Variants in PIK3AP1 observed in about 807,000 individuals in gnomAD.
PIK3AP1 encodes phosphoinositide-3-kinase adaptor protein 1, also known as phosphoinositide 3-kinase adapter protein 1.
PIK3AP1 carries 21 observed loss-of-function variants against 88.1 expected under a neutral mutation model. That is an observed-to-expected ratio of 0.24 (90% CI 0.17 to 0.34). The LOEUF is 0.34. Among genes scored for constraint, PIK3AP1 ranks in the 10% least tolerant of loss-of-function variants. PIK3AP1 has a pLI of 1.00. For missense variants in PIK3AP1, 828 were observed against 1,035.7 expected, an observed-to-expected ratio of 0.80 and a Z score of 2.75; for synonymous variants, 398 against 400.0, an observed-to-expected ratio of 1.00 and a Z score of 0.06.
At chr10:96,671,444 A>G (rs190959634) in intron 2 of PIK3AP1, among the ~76,000 whole-genome samples, 2 of 152,180 alleles carry the variant, frequency 1.3e-5, no homozygotes, top group East Asian at 1.9e-4. Flanking sequence ...TCACTTACAA[A>G]GCTCCCAACA....
intron 2 of PIK3AP1, among the ~76,000 whole-genome samples, chr10:96,681,148 TC>T (rs1843993991): frequency 6.6e-6 from 1 of 152,180 alleles, no homozygotes; most frequent in South Asian, 2.1e-4. Context: ...GGCTGGCTTC[TC>T]ACTCTGTCCT....
At chr10:96,653,297 C>T (rs1175887019) in intron 3 of PIK3AP1, among the ~76,000 whole-genome samples, 1 of 149,274 alleles carries the variant, frequency 6.7e-6, no homozygotes, top group Non-Finnish European at 1.5e-5. Flanking sequence ...TCCAGTTACT[C>T]AAGAGGCTGA....
rs570539874 is a variant in PIK3AP1 at position 96,642,849 on chromosome 10, G to C, written c.1375+2624C>G. ...GCATGGCATGTGTTAGAACATCCAGGGGGACAGCAAGTGTAAGGCTCTGTC... is the reference window on the plus strand; with the variant it reads ...GCATGGCATGTGTTAGAACATCCAGCGGGACAGCAAGTGTAAGGCTCTGTC... On this transcript the variant is annotated intron_variant, in intron 8 of 16. Coordinates refer to ENST00000339364, the MANE Select transcript of PIK3AP1 (RefSeq NM_152309.3). Among the ~76,000 whole-genome samples the C allele has an allele frequency of 9.2e-5, 14 of 152,330 alleles. 1 individual carries two copies. The highest frequency in any genetic ancestry group is 9.2e-4 in the Admixed American group (14 of 15,300).
In PIK3AP1 at chr10:96,594,019, C is replaced by A. The variant is rs1241860133; in HGVS notation, c.*1558G>T. 1 of 152,118 alleles carries A rather than the reference C, an allele frequency of 6.6e-6. No homozygotes were observed. The highest frequency in any genetic ancestry group is 1.5e-5 in the Non-Finnish European group (1 of 68,020). 9.4% of individuals were successfully genotyped at this position (152,118 alleles called of 1,614,324 possible). Reference sequence around the variant, plus strand: ...AGAGAATAATCCCATGGGAAACAAACACATTTTGAATATTTTTTAAAGAAG... The same window carrying A: ...AGAGAATAATCCCATGGGAAACAAAAACATTTTGAATATTTTTTAAAGAAG... On this transcript the variant is annotated 3_prime_UTR_variant, in exon 17 of 17. Coordinates refer to ENST00000339364, the MANE Select transcript of PIK3AP1 (RefSeq NM_152309.3). This position sits in a 1 kb window ranked among gnomAD's most constrained non-coding sequence, Gnocchi z 4.6.
chr10:96,630,966 A>G (rs1843236939), intron 8 of PIK3AP1, among the ~76,000 whole-genome samples: 1 of 152,148 alleles, frequency 6.6e-6, no homozygotes, highest in Non-Finnish European at 1.5e-5. Context: ...TCTTACCCCA[A>G]TCTCCACTCC....
Position 96,677,097 on chromosome 10 carries a change from C to G in PIK3AP1, c.431-20163G>C, listed in dbSNP as rs996247431. 2.6e-5 allele frequency among the ~76,000 whole-genome samples: 4 copies of G among 152,144 alleles called. No homozygotes were observed. The South Asian group carries it at 8.3e-4, about 32-fold the overall frequency. ...GTTTTTCTCCACTGGTCCTCCAAGC[C>G]AGAGTGAGGAAGGGCTGAGCCCACC... On this transcript the variant is annotated intron_variant, in intron 2 of 16. Transcript: ENST00000339364.
rs549421778 is a variant in PIK3AP1, at chr10:96,603,800, C to T, written c.2241+179G>A. On this transcript the variant is annotated intron_variant, in intron 15 of 16. Transcript: ENST00000339364. Reference sequence around the variant, plus strand: ...TTCTTCCCATTCCTCCTCCCTCCAGCCGCTGGCAACCACCAATCTTCAAAC... The same window carrying T: ...TTCTTCCCATTCCTCCTCCCTCCAGTCGCTGGCAACCACCAATCTTCAAAC... 24 of 594,270 alleles carry T rather than the reference C, an allele frequency of 4.0e-5. 1 individual carries two copies. Among genetic ancestry groups the T allele is most frequent in the Non-Finnish European group, 2.9e-6 (1 of 349,126 alleles). 36.8% of individuals were successfully genotyped at this position (594,270 alleles called of 1,614,324 possible).
Position 96,720,367 on chromosome 10 carries a change from C to T in PIK3AP1, c.13+15G>A, listed in dbSNP as rs1445602446. On this transcript the variant is annotated intron_variant, in intron 1 of 16. Coordinates refer to ENST00000339364, the MANE Select transcript of PIK3AP1 (RefSeq NM_152309.3). The surrounding 1 kb of genome is among the most constrained non-coding windows in gnomAD (Gnocchi z 4.6). ...GGGCCGGGAGCCCGGGGACCCGCGGCGCCTGCCTACCCACCTGAGGCTGCC... is the reference window on the plus strand; with the variant it reads ...GGGCCGGGAGCCCGGGGACCCGCGGTGCCTGCCTACCCACCTGAGGCTGCC... 3 of 1,241,774 alleles carry T rather than the reference C, an allele frequency of 2.4e-6. No homozygotes were observed. The highest frequency in any genetic ancestry group is 3.1e-5 in the African/African-American group (2 of 64,384). The allele number at this position is 1,241,774 out of a possible 1,614,324, so 76.9% of individuals were successfully genotyped here.
chr10:96,664,030 C>A (rs1469526140), intron 2 of PIK3AP1, among the ~76,000 whole-genome samples: 1 of 152,192 alleles, frequency 6.6e-6, no homozygotes, highest in African/African-American at 2.4e-5. Flanking sequence ...TCTGGAAAGC[C>A]ATGTGTCCAC....
At chr10:96,707,664 A>G (rs569184599) in intron 2 of PIK3AP1, among the ~76,000 whole-genome samples, 38 of 152,276 alleles carry the variant, frequency 2.5e-4, no homozygotes, top group Non-Finnish European at 4.4e-4. Flanking sequence ...GTGGCAATAC[A>G]TCCATGGTGG....
At chr10:96,652,901 G>A in intron 3 of PIK3AP1, 59 bp from the exon 4 acceptor site, 1 of 1,571,892 alleles carries the variant, frequency 6.4e-7, no homozygotes, top group Non-Finnish European at 8.6e-7. Context: ...AGGGTGTTGG[G>A]CCCAAGGGTC....
At chr10:96,684,447 G>A (rs1053268811) in intron 2 of PIK3AP1, among the ~76,000 whole-genome samples, 3 of 152,232 alleles carry the variant, frequency 2.0e-5, no homozygotes, top group Admixed American at 6.5e-5. Flanking sequence ...GCCCAGCTCA[G>A]TGAGACAAGA....
At chr10:96,696,903 C>A (rs1321268423) in intron 2 of PIK3AP1, among the ~76,000 whole-genome samples, 1 of 152,086 alleles carries the variant, frequency 6.6e-6, no homozygotes, top group Non-Finnish European at 1.5e-5. Flanking sequence ...TAGATCGAGA[C>A]CCAGTAATGA....
chr10:96,622,468 GA>G (rs772725651), intron 11 of PIK3AP1, among the ~76,000 whole-genome samples: 2 of 152,138 alleles, frequency 1.3e-5, no homozygotes, highest in Non-Finnish European at 2.9e-5. Flanking sequence ...ATAACATGAA[GA>G]AAAAAGAGAA....
chr10:96,604,344 ATTTTTTTTTTTTTTT>A (rs66487275), intron 14 of PIK3AP1, among the ~76,000 whole-genome samples: 86 of 77,130 alleles, frequency 1.1e-3, no homozygotes, highest in African/African-American at 4.1e-3. Flanking sequence ...CACCTAGCCA[ATTTTTTTTTTTTTTT>A]TTTTTTTTTT....
chr10:96,692,797 A>C (rs190058723), intron 2 of PIK3AP1, among the ~76,000 whole-genome samples: 31 of 152,350 alleles, frequency 2.0e-4, no homozygotes, highest in Admixed American at 2.0e-3. Context: ...AACTGTGTTA[A>C]TATAATAAAT....
At chr10:96,615,967 C>T (rs1346418718) in intron 13 of PIK3AP1, among the ~76,000 whole-genome samples, 1 of 152,206 alleles carries the variant, frequency 6.6e-6, no homozygotes, top group Non-Finnish European at 1.5e-5. Context: ...CTGCATGCTC[C>T]TCTTGCTATA....
At chr10:96,634,857 T>C (rs1403447332) in intron 8 of PIK3AP1, among the ~76,000 whole-genome samples, 1 of 152,192 alleles carries the variant, frequency 6.6e-6, no homozygotes, top group African/African-American at 2.4e-5. Flanking sequence ...CATTCCTTTC[T>C]GGAAGCTATA....
chr10:96,609,572 C>T (rs2134189335), intron 14 of PIK3AP1, 140 bp downstream of exon 14: 3 of 911,590 alleles, frequency 3.3e-6, no homozygotes, highest in Admixed American at 2.8e-5. Context: ...GTAACTCGGC[C>T]CCACCTTTTA....
Sources: gnomAD v4.1 joint callset for allele counts (sites outside exome capture counted in the v4.1 genomes callset) on GRCh38, gnomAD v4.1.1 for gene constraint, Gnocchi (gnomAD v3.1) non-coding constraint, MANE v1.5 for transcripts, NCBI Gene and HGNC (gene_info 2026-07-23, HGNC 2026-07-21) for gene names.